TMCO4: variants seen among roughly 807,000 people sequenced by gnomAD.
TMCO4 encodes the protein transmembrane and coiled-coil domain-containing protein 4.
Under a neutral mutation model 64.7 loss-of-function variants are expected in TMCO4, and 58 were observed. The ratio of observed to expected loss-of-function variants is 0.90; its 90% CI spans 0.73 to 1.12. The LOEUF (loss-of-function observed/expected upper bound fraction) is 1.12. Among genes scored for constraint, TMCO4 ranks in the 50% most tolerant of loss-of-function variants. TMCO4 has a pLI of 0.00. For synonymous variants in TMCO4, 325 were observed against 346.1 expected (o/e 0.94, Z 0.68); for missense variants, 780 against 825.9 (o/e 0.94, Z 0.68).
At chr1:19,722,060 A>C (rs949512588) in intron 13 of TMCO4, among the ~76,000 whole-genome samples, 1 of 152,216 alleles carries the variant, frequency 6.6e-6, no homozygotes, top group Non-Finnish European at 1.5e-5. Flanking sequence ...TAAATTCCTG[A>C]CTTACTACCC....
At chr1:19,691,027 C>T (rs529380831) in intron 15 of TMCO4, among the ~76,000 whole-genome samples, 35 of 152,176 alleles carry the variant, frequency 2.3e-4, no homozygotes, top group African/African-American at 7.9e-4. Context: ...CACCGCCACA[C>T]CTGGCTAATT....
chr1:19,690,204 T>C (rs191503154), intron 15 of TMCO4, among the ~76,000 whole-genome samples: 1 of 152,346 alleles, frequency 6.6e-6, no homozygotes, highest in East Asian at 1.9e-4. Flanking sequence ...TCATTCTTCT[T>C]GGATGCTGGA....
At chr1:19,688,805 G>A (rs1570618821) in intron 15 of TMCO4, among the ~76,000 whole-genome samples, 1 of 152,364 alleles carries the variant, frequency 6.6e-6, no homozygotes, top group South Asian at 2.1e-4. Context: ...GTTGGCTACT[G>A]CGGTTATTAT....
Position 19,705,102 on chromosome 1 carries a change from A to G in TMCO4, c.1265-4217T>C, listed in dbSNP as rs142109135. On this transcript the variant is annotated intron_variant, in intron 13 of 15. Transcript: ENST00000294543. Reference sequence around the variant, plus strand: ...AACCACCTTAGACCAGGGGTGTCCAATCTTTTGGCTTCCGTGGGCCACATT... The same window carrying G: ...AACCACCTTAGACCAGGGGTGTCCAGTCTTTTGGCTTCCGTGGGCCACATT... 5.1e-3 allele frequency among the ~76,000 whole-genome samples: 771 copies of G among 152,250 alleles called. 2 individuals are homozygous for G. The highest frequency in any genetic ancestry group is 0.012 in the African/African-American group (480 of 41,550).
intron 5 of TMCO4, 109 bp from the exon 6 acceptor site, chr1:19,770,678 C>T: frequency 8.9e-7 from 1 of 1,120,474 alleles, no homozygotes; most frequent in South Asian, 1.5e-5. Context: ...AGACAAAAAG[C>T]CACTGCCCTA....
chr1:19,764,825 A>T (rs2042659891), intron 6 of TMCO4, among the ~76,000 whole-genome samples: 1 of 146,150 alleles, frequency 6.8e-6, no homozygotes, highest in Non-Finnish European at 1.5e-5. Context: ...ATTGCACTCA[A>T]GAGTGAAACT....
rs144733737 is a variant in TMCO4, at chr1:19,776,604, G to A, written c.179+3976C>T. On this transcript the variant is annotated intron_variant, in intron 4 of 15. Transcript: ENST00000294543. ...AGTAGTTTGGTGTCAGGTTCTGCAA[G>A]GGCCATCAACACATACCCTCCTTAC... 4.1e-4 allele frequency among the ~76,000 whole-genome samples: 63 copies of A among 152,306 alleles called. 1 individual carries two copies. The highest frequency in any genetic ancestry group is 1.5e-3 in the African/African-American group (62 of 41,560).
chr1:19,767,669 G>T (rs2042795364), intron 6 of TMCO4, among the ~76,000 whole-genome samples: 1 of 152,192 alleles, frequency 6.6e-6, no homozygotes, highest in African/African-American at 2.4e-5. Flanking sequence ...TGATGAAGAA[G>T]CAATGAGAGA....
chr1:19,740,859 C>T lies in TMCO4; in HGVS notation c.960G>A (p.Glu320=). The change falls in exon 11 of 16, where the codon GAG becomes GAA. Residue 320 remains glutamate, a synonymous_variant. Transcript: ENST00000294543. ...CLAWEAKYLM[E]LGNALETILS... is the part of the protein sequence containing the mutation. ...GGATGGTCTCCAGGGCATTGCCGAG[C>T]TCCATCAGGTACTTGGCTTCCCAGG... 6.2e-7 allele frequency: 1 copy of T among 1,614,164 alleles called. No homozygotes were observed. The highest frequency in any genetic ancestry group is 2.2e-5 in the East Asian group (1 of 44,880).
At chr1:19,762,744 G>C (rs1294203715) in intron 6 of TMCO4, among the ~76,000 whole-genome samples, 2 of 152,212 alleles carry the variant, frequency 1.3e-5, no homozygotes, top group Non-Finnish European at 2.9e-5. Flanking sequence ...GGGCAGGACA[G>C]CCTCCTGTTG....
At chr1:19,770,443 G>A (rs942928083) in intron 6 of TMCO4, 99 bp downstream of exon 6, 19 of 1,381,386 alleles carry the variant, frequency 1.4e-5, no homozygotes, top group African/African-American at 4.3e-5. Flanking sequence ...AAAAGACCAC[G>A]GGGGACCCGG....
intron 10 of TMCO4, 37 bp from the exon 11 acceptor site, chr1:19,740,978 T>C (rs747910047): frequency 6.4e-7 from 1 of 1,558,562 alleles, no homozygotes; most frequent in Non-Finnish European, 8.7e-7. Context: ...CTCTCTTGTC[T>C]ATGGCAGAGG....
At chr1:19,786,127 G>C (rs759447974) in intron 3 of TMCO4, among the ~76,000 whole-genome samples, 32 of 152,060 alleles carry the variant, frequency 2.1e-4, no homozygotes, top group African/African-American at 7.5e-4. Context: ...GCATACCTGT[G>C]GTCCCAGCTA....
Position 19,734,334 on chromosome 1 carries a change from T to A in TMCO4, c.1264+3038A>T, listed in dbSNP as rs1055612553. On this transcript the variant is annotated intron_variant, in intron 13 of 15. Coordinates refer to ENST00000294543, the MANE Select transcript of TMCO4 (RefSeq NM_181719.7). This position sits in a 1 kb window ranked among gnomAD's most constrained non-coding sequence, Gnocchi z 4.4. ...TTAGAGGCCCTTGGGGTCTGCCGAG[T>A]TGCTGCCGTGTGAGTGTGTGCAGAT... Among the ~76,000 whole-genome samples the A allele has an allele frequency of 9.9e-5, 15 of 151,906 alleles. No individual in the cohort carries two copies. The highest frequency in any genetic ancestry group is 7.2e-4 in the Admixed American group (11 of 15,276).
chr1:19,728,505 G>T (rs574534025), intron 13 of TMCO4, among the ~76,000 whole-genome samples: 88 of 152,326 alleles, frequency 5.8e-4, no homozygotes, highest in Admixed American at 2.2e-3. Flanking sequence ...TTTTCACCAG[G>T]TCATCTCCTC....
intron 13 of TMCO4, among the ~76,000 whole-genome samples, chr1:19,716,455 C>G (rs1037756267): frequency 3.4e-5 from 5 of 146,604 alleles, no homozygotes. Flanking sequence ...TGGCCTTGAA[C>G]TCCCGACCTC....
chr1:19,768,537 T>C (rs1295378107), intron 6 of TMCO4, among the ~76,000 whole-genome samples: 2 of 152,116 alleles, frequency 1.3e-5, no homozygotes, highest in Non-Finnish European at 2.9e-5. Context: ...AAACTCAGAG[T>C]CCAGTGACCG....
intron 13 of TMCO4, among the ~76,000 whole-genome samples, chr1:19,714,584 G>T (rs778926286): frequency 6.6e-6 from 1 of 152,096 alleles, no homozygotes; most frequent in Admixed American, 6.5e-5. Context: ...AATCTGTGTA[G>T]CCTAGATTGA....
rs540517571 is a variant in TMCO4 at position 19,743,963 on chromosome 1, C to T, written c.877+1569G>A. 1.4e-4 allele frequency among the ~76,000 whole-genome samples: 21 copies of T among 152,296 alleles called. No homozygotes were observed. The South Asian group carries it at 3.9e-3, about 29-fold the overall frequency. On this transcript the variant is annotated intron_variant, in intron 10 of 15. Coordinates refer to ENST00000294543, the MANE Select transcript of TMCO4 (RefSeq NM_181719.7). The surrounding 1 kb of genome is among the most constrained non-coding windows in gnomAD (Gnocchi z 4.1). ...AGGTGTGAACGAGGCGCTCACTGAA[C>T]GCTAGTGACCTCTGTGCATGGGTGG...
Sources: allele counts gnomAD v4.1 joint callset (sites outside exome capture counted in the v4.1 genomes callset), GRCh38; gene constraint gnomAD v4.1.1; non-coding constraint Gnocchi (gnomAD v3.1); transcripts MANE v1.5; gene names NCBI Gene and HGNC (gene_info 2026-07-23, HGNC 2026-07-21).